Variants in CFAP20DC observed in about 807,000 individuals in gnomAD.
CFAP20DC encodes the protein protein CFAP20DC.
A neutral mutation model predicts 101.7 loss-of-function variants in CFAP20DC; 84 were observed. The ratio of observed to expected loss-of-function variants is 0.83; its 90% CI spans 0.69 to 0.99. The LOEUF (loss-of-function observed/expected upper bound fraction) is 0.99. CFAP20DC is among the 50% of genes least tolerant of loss of function. The pLI is 0.00. For missense variants in CFAP20DC, 1,007 were observed against 970.3 expected, an observed-to-expected ratio of 1.04 and a Z score of -0.50; for synonymous variants, 359 against 351.2, an observed-to-expected ratio of 1.02 and a Z score of -0.25.
In CFAP20DC at chr3:58,721,047, G is replaced by A. The variant is rs188373061; in HGVS notation, c.198-3419C>T. Among the ~76,000 whole-genome samples the A allele has an allele frequency of 1.9e-3, 286 of 152,200 alleles. No individual in the cohort carries two copies. The highest frequency in any genetic ancestry group is 3.4e-3 in the Middle Eastern group (1 of 294). ...CTCCTCAGACTCCAAGGCTAGGTTA[G>A]GTTCCTCATTTTTCTCTCCCAGAGC... On this transcript the variant is annotated intron_variant, in intron 3 of 3. Transcript: ENST00000486145. This position sits in a 1 kb window ranked among gnomAD's most constrained non-coding sequence, Gnocchi z 5.2.
At chr3:58,796,978 A>G (rs983040319) in intron 15 of CFAP20DC, among the ~76,000 whole-genome samples, 1 of 152,152 alleles carries the variant, frequency 6.6e-6, no homozygotes, top group Non-Finnish European at 1.5e-5. Flanking sequence ...TGCGGTTTGT[A>G]TTCTGACTAA....
intron 4 of CFAP20DC, among the ~76,000 whole-genome samples, chr3:58,996,959 T>C (rs1479376931): frequency 2.0e-5 from 3 of 152,202 alleles, no homozygotes; most frequent in African/African-American, 7.2e-5. Flanking sequence ...CTCCTCTTCC[T>C]GTGTGGAATC....
Position 58,783,623 on chromosome 3 carries a change from CAT to C in CFAP20DC, c.2237+22770_2237+22771del, listed in dbSNP as rs201589391. ...AAGAAACCAAATTATCCCATTAAAA[CAT>C]GTGCAAAAACCACGAATACATATTT... On this transcript the variant is annotated intron_variant, in intron 15 of 16. Coordinates refer to ENST00000482387, the MANE Select transcript of CFAP20DC (RefSeq NM_001394063.1). 6.2e-3 allele frequency among the ~76,000 whole-genome samples: 945 copies of C among 152,100 alleles called. 31 individuals carry two copies. Among genetic ancestry groups the C allele is most frequent in the Admixed American group, 0.045 (679 of 15,252 alleles).
At chr3:58,951,693 T>C (rs900573845) in intron 4 of CFAP20DC, among the ~76,000 whole-genome samples, 18 of 150,262 alleles carry the variant, frequency 1.2e-4, no homozygotes, top group East Asian at 7.9e-4. Flanking sequence ...CACTCATAGG[T>C]GGGAATTGAA....
chr3:58,805,506 T>C (rs1162720304), intron 15 of CFAP20DC, among the ~76,000 whole-genome samples: 2 of 152,200 alleles, frequency 1.3e-5, no homozygotes, highest in African/African-American at 4.8e-5. Context: ...TGTTTTGTAG[T>C]GTGTAACCAA....
At chr3:58,952,931 G>T (rs1445735669) in intron 4 of CFAP20DC, among the ~76,000 whole-genome samples, 1 of 152,088 alleles carries the variant, frequency 6.6e-6, no homozygotes, top group Non-Finnish European at 1.5e-5. Flanking sequence ...AGATACTGGG[G>T]ATTTCACAGT....
intron 4 of CFAP20DC, among the ~76,000 whole-genome samples, chr3:58,986,806 A>G (rs959592435): frequency 2.0e-5 from 3 of 152,130 alleles, no homozygotes; most frequent in Non-Finnish European, 4.4e-5. Flanking sequence ...ACTCTCACGG[A>G]AAAAACGACC....
intron 12 of CFAP20DC, among the ~76,000 whole-genome samples, chr3:58,851,005 G>A (rs1044229797): frequency 2.6e-5 from 4 of 151,000 alleles, no homozygotes; most frequent in African/African-American, 9.8e-5. Context: ...AGGGGACAAG[G>A]GAGAGATCTA....
chr3:58,939,924 G>A (rs112725405), intron 4 of CFAP20DC, among the ~76,000 whole-genome samples: 5,622 of 151,972 alleles, frequency 0.037, 343 homozygotes, highest in African/African-American at 0.13. Flanking sequence ...GTGACATTAT[G>A]CCCAGCTAAT....
chr3:58,940,341 G>A, intron 4 of CFAP20DC, among the ~76,000 whole-genome samples: 1 of 152,176 alleles, frequency 6.6e-6, no homozygotes, highest in Admixed American at 6.5e-5. Context: ...TGCTTTCTGT[G>A]TCCTGAAGAA....
In CFAP20DC at chr3:58,727,283, A is replaced by T. The variant is rs570178342; in HGVS notation, c.198-9655T>A. The T allele has an allele frequency of 2.9e-3, 444 of 153,116 alleles. 3 individuals are homozygous for T. The highest frequency in any genetic ancestry group is 4.7e-3 in the South Asian group (23 of 4,942). The allele number at this position is 153,116 out of a possible 1,614,324, so 9.5% of individuals were successfully genotyped here. On this transcript the variant is annotated intron_variant, in intron 3 of 3. Transcript: ENST00000486145. ...CTGCCTCCTGCCTGGGGAAAGGGGG[A>T]GGGCCCAGGGTAGCTTTAAATTTTG...
In CFAP20DC at chr3:58,864,479, C is replaced by T. The variant is rs2079515326; in HGVS notation, c.1259-587G>A. On this transcript the variant is annotated intron_variant, in intron 11 of 16. Transcript: ENST00000482387. This position sits in a 1 kb window ranked among gnomAD's most constrained non-coding sequence, Gnocchi z 4.7. ...AAATTTGTAAGTCTGAAATAATTAT[C>T]ACCTGTCTTGCAGCAAGTTCTTTAC... is the stretch of plus-strand genomic sequence containing the variant. Among the ~76,000 whole-genome samples, 1 of 152,200 alleles carries T rather than the reference C, an allele frequency of 6.6e-6. No homozygotes were observed. Among genetic ancestry groups the T allele is most frequent in the Non-Finnish European group, 1.5e-5 (1 of 68,048 alleles).
chr3:58,824,779 T>A (rs1225490720), intron 14 of CFAP20DC, among the ~76,000 whole-genome samples: 1 of 152,128 alleles, frequency 6.6e-6, no homozygotes, highest in Non-Finnish European at 1.5e-5. Flanking sequence ...GCTTTTCTTT[T>A]CTTTTTTGTA....
chr3:58,759,689 C>T (rs1455618676), intron 15 of CFAP20DC, among the ~76,000 whole-genome samples: 9 of 152,066 alleles, frequency 5.9e-5, no homozygotes, highest in Non-Finnish European at 1.0e-4. Context: ...AAGTCTTTAA[C>T]CCATCTTGAA....
chr3:58,913,908 C>A lies in CFAP20DC; in HGVS notation c.394-44G>T, dbSNP rs747112049. The stretch of plus-strand genomic sequence containing the variant: ...AAGAAGAGTAAGGACCTTTCATCAA[C>A]ACATAAATGAACAAACCATCTATAT... On this transcript the variant is annotated intron_variant, in intron 5 of 16. Coordinates refer to ENST00000482387, the MANE Select transcript of CFAP20DC (RefSeq NM_001394063.1). This position sits in a 1 kb window ranked among gnomAD's most constrained non-coding sequence, Gnocchi z 4.4. The A allele has an allele frequency of 4.4e-6, 7 of 1,598,504 alleles. No individual in the cohort carries two copies. Among genetic ancestry groups the A allele is most frequent in the Non-Finnish European group, 6.0e-6 (7 of 1,168,372 alleles).
intron 14 of CFAP20DC, among the ~76,000 whole-genome samples, chr3:58,811,578 G>T (rs923634486): frequency 6.6e-6 from 1 of 152,018 alleles, no homozygotes; most frequent in Non-Finnish European, 1.5e-5. Flanking sequence ...AGACTTAAAC[G>T]TTAGACCTAA....
At chr3:58,967,307 T>G (rs2091629790) in intron 4 of CFAP20DC, among the ~76,000 whole-genome samples, 1 of 152,086 alleles carries the variant, frequency 6.6e-6, no homozygotes, top group South Asian at 2.1e-4. Flanking sequence ...CAACTGAATA[T>G]CCACATGCAA....
intron 4 of CFAP20DC, among the ~76,000 whole-genome samples, chr3:58,966,556 C>T (rs2091557045): frequency 6.7e-6 from 1 of 149,880 alleles, no homozygotes; most frequent in Non-Finnish European, 1.5e-5. Context: ...CAGAGTCTCA[C>T]TCTGTAGCTC....
At chr3:58,889,337 T>C (rs2081954308) in intron 6 of CFAP20DC, among the ~76,000 whole-genome samples, 1 of 152,110 alleles carries the variant, frequency 6.6e-6, no homozygotes, top group Non-Finnish European at 1.5e-5. Flanking sequence ...ATAGAAGCAG[T>C]ATGAAACCTA....
Sources: allele counts gnomAD v4.1 joint callset (sites outside exome capture counted in the v4.1 genomes callset), GRCh38; gene constraint gnomAD v4.1.1; non-coding constraint Gnocchi (gnomAD v3.1); transcripts MANE v1.5; gene names NCBI Gene and HGNC (gene_info 2026-07-23, HGNC 2026-07-21).